PLCB1: variants seen among roughly 807,000 people sequenced by gnomAD.
PLCB1 encodes the protein phospholipase C beta 1, also known as 1-phosphatidylinositol 4,5-bisphosphate phosphodiesterase beta-1.
In PLCB1, 46 loss-of-function variants were observed where a neutral mutation model predicts 161.8. The ratio of observed to expected loss-of-function variants is 0.28; its 90% CI spans 0.22 to 0.36. The LOEUF (loss-of-function observed/expected upper bound fraction) is 0.36. Among genes scored for constraint, PLCB1 ranks in the 10% least tolerant of loss-of-function variants. The pLI is 1.00. For synonymous variants in PLCB1, 517 were observed against 503.7 expected, an observed-to-expected ratio of 1.03 and a Z score of -0.35; for missense variants, 1,016 against 1,472.5, an observed-to-expected ratio of 0.69 and a Z score of 5.07.
At chr20:8,172,135 C>T (rs1292445436) in intron 2 of PLCB1, among the ~76,000 whole-genome samples, 3 of 152,094 alleles carry the variant, frequency 2.0e-5, no homozygotes, top group Non-Finnish European at 4.4e-5. Flanking sequence ...TATTGAGCAT[C>T]TACTAAGTGT....
intron 2 of PLCB1, among the ~76,000 whole-genome samples, chr20:8,324,476 A>G (rs1034259156): frequency 6.6e-6 from 1 of 152,190 alleles, no homozygotes; most frequent in Admixed American, 6.5e-5. Flanking sequence ...ATAAATTATG[A>G]TTTATGTATC....
intron 4 of PLCB1, among the ~76,000 whole-genome samples, chr20:8,629,757 T>C (rs1371957052): frequency 6.6e-6 from 1 of 152,068 alleles, no homozygotes; most frequent in Non-Finnish European, 1.5e-5. Flanking sequence ...TTTTCTGAGC[T>C]ACACCAGATG....
chr20:8,866,649 G>A (rs1371173724), intron 31 of PLCB1, among the ~76,000 whole-genome samples: 1 of 152,176 alleles, frequency 6.6e-6, no homozygotes, highest in African/African-American at 2.4e-5. Flanking sequence ...CTAGTTAGAA[G>A]AACGGGTGTC....
intron 3 of PLCB1, among the ~76,000 whole-genome samples, chr20:8,456,063 A>C (rs920914119): frequency 1.3e-5 from 2 of 152,216 alleles, no homozygotes; most frequent in Non-Finnish European, 2.9e-5. Flanking sequence ...AGAGAAAATC[A>C]AAGATTTGGT....
At chr20:8,411,472 T>C (rs996836307) in intron 3 of PLCB1, among the ~76,000 whole-genome samples, 1 of 152,204 alleles carries the variant, frequency 6.6e-6, no homozygotes, top group Non-Finnish European at 1.5e-5. Flanking sequence ...GAGGTCTGTC[T>C]ATAAGAATTA....
rs2051601258 is a variant in PLCB1 at position 8,159,745 on chromosome 20, T to A, written c.177+9374T>A. 2.6e-5 allele frequency among the ~76,000 whole-genome samples: 4 copies of A among 152,034 alleles called. No homozygotes were observed. In the South Asian group the frequency reaches 8.3e-4, roughly 31 times the overall value. On this transcript the variant is annotated intron_variant, in intron 2 of 31. Transcript: ENST00000338037. ...GCTCATGCCTGCAATCCCAGCACTT[T>A]GGGAGGCTGAGTTGGGTGGATCACC... is the stretch of plus-strand genomic sequence containing the variant.
intron 3 of PLCB1, among the ~76,000 whole-genome samples, chr20:8,569,965 A>G (rs1362893645): frequency 6.6e-6 from 1 of 152,184 alleles, no homozygotes; most frequent in Non-Finnish European, 1.5e-5. Context: ...TAGAAAGCCC[A>G]AGGGTTGGGC....
chr20:8,871,195 A>C (rs4380320), intron 31 of PLCB1, among the ~76,000 whole-genome samples: 56,798 of 152,056 alleles, frequency 0.37, 11,310 homozygotes, highest in African/African-American at 0.52. Flanking sequence ...AATGTGTGAT[A>C]ATTTAATTTT....
chr20:8,378,623 GGTA>G (rs1987167433), intron 3 of PLCB1, among the ~76,000 whole-genome samples: 1 of 152,166 alleles, frequency 6.6e-6, no homozygotes, highest in Non-Finnish European at 1.5e-5. Flanking sequence ...TGAAGATTAG[GGTA>G]GTGGTGACAA....
intron 3 of PLCB1, among the ~76,000 whole-genome samples, chr20:8,425,916 C>G (rs1027015633): frequency 4.6e-5 from 7 of 152,164 alleles, no homozygotes; most frequent in Admixed American, 3.9e-4. Flanking sequence ...GAGAGCACTT[C>G]TGTGCTGTTT....
chr20:8,694,826 A>G (rs1426712915), intron 10 of PLCB1, among the ~76,000 whole-genome samples: 1 of 152,206 alleles, frequency 6.6e-6, no homozygotes, highest in Non-Finnish European at 1.5e-5. Flanking sequence ...TCTATTCTTT[A>G]ATACCGGTGC....
At chr20:8,600,980 A>T (rs1191578255) in intron 3 of PLCB1, among the ~76,000 whole-genome samples, 1 of 152,068 alleles carries the variant, frequency 6.6e-6, no homozygotes. Flanking sequence ...GCGCGCACCC[A>T]CTGACCTGCG....
At chr20:8,540,900 T>G (rs1985287653) in intron 3 of PLCB1, among the ~76,000 whole-genome samples, 1 of 152,144 alleles carries the variant, frequency 6.6e-6, no homozygotes, top group Non-Finnish European at 1.5e-5. Flanking sequence ...CCTGATGCCC[T>G]GTATTTATTT....
At chr20:8,702,979 A>G (rs1022426984) in intron 11 of PLCB1, among the ~76,000 whole-genome samples, 3 of 152,134 alleles carry the variant, frequency 2.0e-5, no homozygotes, top group African/African-American at 7.2e-5. Flanking sequence ...GCTGCTAGCT[A>G]AAGTTATGGT....
chr20:8,360,506 A>T (rs1411777441), intron 2 of PLCB1, among the ~76,000 whole-genome samples: 1 of 152,168 alleles, frequency 6.6e-6, no homozygotes, highest in Non-Finnish European at 1.5e-5. Flanking sequence ...TAGTGTTGAG[A>T]TTGATCAACA....
rs2051301367 is a variant in PLCB1 at position 8,132,517 on chromosome 20, G to A, written c.-135G>A. 4.5e-6 allele frequency: 2 copies of A among 447,532 alleles called. No individual in the cohort carries two copies. Among genetic ancestry groups the A allele is most frequent in the Non-Finnish European group, 7.6e-6 (2 of 263,410 alleles). The allele number at this position is 447,532 out of a possible 1,614,324, so 27.7% of individuals were successfully genotyped here. On this transcript the variant is annotated 5_prime_UTR_variant, in exon 1 of 32. Transcript: ENST00000338037. This position sits in a 1 kb window ranked among gnomAD's most constrained non-coding sequence, Gnocchi z 5.2. The stretch of plus-strand genomic sequence containing the variant: ...GGGAGGTGCGGAGGCCGGGAGGCCG[G>A]GGAGGCCGGCGGGGAGCAGAGTCGA...
intron 27 of PLCB1, among the ~76,000 whole-genome samples, chr20:8,781,279 T>C (rs1983206320): frequency 6.6e-6 from 1 of 152,172 alleles, no homozygotes; most frequent in Non-Finnish European, 1.5e-5. Context: ...TGCATTTTTC[T>C]ACTAAACAAG....
intron 2 of PLCB1, among the ~76,000 whole-genome samples, chr20:8,192,889 G>A (rs1392695351): frequency 6.6e-6 from 1 of 151,908 alleles, no homozygotes; most frequent in Non-Finnish European, 1.5e-5. Flanking sequence ...CATGAAACAG[G>A]ATGGGGGCTA....
Position 8,585,126 on chromosome 20 carries a change from T to C in PLCB1, c.247-43168T>C, listed in dbSNP as rs543142928. Among the ~76,000 whole-genome samples, 15 of 152,326 alleles carry C rather than the reference T, an allele frequency of 9.8e-5. No individual in the cohort carries two copies. The South Asian group carries it at 2.5e-3, about 25-fold the overall frequency. On this transcript the variant is annotated intron_variant, in intron 3 of 31. Transcript: ENST00000338037. ...ATGGCCAGGGTCTCATTGTGATCCT[T>C]GGAGCTTCGGCTTACTTTTGGGGGG... is the stretch of plus-strand genomic sequence containing the variant.
Sources: allele counts gnomAD v4.1 joint callset (sites outside exome capture counted in the v4.1 genomes callset), GRCh38; gene constraint gnomAD v4.1.1; non-coding constraint Gnocchi (gnomAD v3.1); transcripts MANE v1.5; gene names NCBI Gene and HGNC (gene_info 2026-07-23, HGNC 2026-07-21).